Variants in CABIN1 observed in about 807,000 individuals in gnomAD.
CABIN1 encodes the protein calcineurin-binding protein cabin-1.
In CABIN1, 133 loss-of-function variants were observed where a neutral mutation model predicts 227.7. That is an observed-to-expected ratio of 0.58 (90% CI 0.51 to 0.67). The LOEUF is 0.67. Ranked by LOEUF, CABIN1 falls within the 30% of genes least tolerant of loss-of-function variation. The pLI, the probability that CABIN1 is intolerant of heterozygous loss-of-function variation, is 0.00. For synonymous variants in CABIN1, 1,086 were observed against 1,155.1 expected, an observed-to-expected ratio of 0.94 and a Z score of 1.21; for missense variants, 2,408 against 2,852.5, an observed-to-expected ratio of 0.84 and a Z score of 3.55.
chr22:24,061,101 A>T (rs1053355397), intron 12 of CABIN1, among the ~76,000 whole-genome samples: 1 of 152,134 alleles, frequency 6.6e-6, no homozygotes. Flanking sequence ...TTTTTAACAG[A>T]TGATAAAACA....
At chr22:24,039,811 T>G (rs975756569) in intron 4 of CABIN1, among the ~76,000 whole-genome samples, 1 of 152,156 alleles carries the variant, frequency 6.6e-6, no homozygotes, top group Non-Finnish European at 1.5e-5. Context: ...GTACAGAAAA[T>G]ACATAGAACA....
chr22:24,091,243 G>C (rs1047161689), intron 23 of CABIN1, among the ~76,000 whole-genome samples: 3 of 152,208 alleles, frequency 2.0e-5, no homozygotes, highest in Non-Finnish European at 2.9e-5. Flanking sequence ...TGGGTGCTGA[G>C]TGTTAGTAAA....
intron 11 of CABIN1, 103 bp from the exon 12 acceptor site, chr22:24,059,821 T>C (rs1050453653): frequency 1.0e-6 from 1 of 987,872 alleles, no homozygotes; most frequent in South Asian, 1.4e-5. Context: ...CTGGATCAGA[T>C]GGTAGAGGGA....
intron 34 of CABIN1, chr22:24,175,732 T>C (rs567599360): frequency 2.0e-5 from 7 of 346,444 alleles, no homozygotes; most frequent in South Asian, 1.9e-4. Context: ...TGACCTCGTT[T>C]CTGAATGCTG....
chr22:24,044,034 A>G lies in CABIN1; in HGVS notation c.526+950A>G, dbSNP rs551151946. ...CTCAGGAATAATTCTCTTTGACCTG[A>G]TGCTCCGCCCTTGATGCCCACTGAG... On this transcript the variant is annotated intron_variant, in intron 6 of 36. Coordinates refer to ENST00000263119, the MANE Select transcript of CABIN1 (RefSeq NM_012295.4). Among the ~76,000 whole-genome samples the G allele has an allele frequency of 3.1e-4, 47 of 152,304 alleles. 1 individual carries two copies. In the South Asian group the frequency reaches 9.5e-3, roughly 31 times the overall value.
intron 19 of CABIN1, among the ~76,000 whole-genome samples, chr22:24,080,895 T>C (rs2040762785): frequency 6.6e-6 from 1 of 152,172 alleles, no homozygotes; most frequent in Non-Finnish European, 1.5e-5. Context: ...TTCCTTCCTT[T>C]TCAATCCTTA....
chr22:24,135,832 G>C (rs2044362206), intron 29 of CABIN1, among the ~76,000 whole-genome samples: 1 of 152,176 alleles, frequency 6.6e-6, no homozygotes, highest in South Asian at 2.1e-4. Context: ...CAATTCTCAG[G>C]GTACGTGGGC....
chr22:24,091,679 A>G lies in CABIN1; in HGVS notation c.3622A>G (p.Ile1208Val), dbSNP rs757206954. Residue 1208 changes from isoleucine (I) to valine (V), a missense_variant, in exon 24 of 37, where the codon ATC becomes GTC. Physicochemically the swap from Ile to Val is conservative, Grantham distance 29. This residue lies in a region of CABIN1 where 649 missense variants were observed against 910.3 expected (regional missense o/e 0.71). Transcript: ENST00000263119. ...EGDGDEEEWL[I>V]HYMLGKVAEK... ...TGATGGTGACGAGGAGGAGTGGCTC[A>G]TCCACTACATGCTGGGCAAGGTGGC... 1 of 1,614,202 alleles carries G rather than the reference A, an allele frequency of 6.2e-7. No homozygotes were observed. The highest frequency in any genetic ancestry group is 1.3e-5 in the African/African-American group (1 of 75,052).
At chr22:24,157,680 T>C (rs1391133621) in intron 29 of CABIN1, among the ~76,000 whole-genome samples, 2 of 152,196 alleles carry the variant, frequency 1.3e-5, no homozygotes, top group African/African-American at 2.4e-5. Context: ...TTCGCCGCTT[T>C]GGTGACTTGT....
Position 24,167,075 on chromosome 22 carries a change from C to G in CABIN1, c.5444C>G (p.Pro1815Arg). 1 of 1,544,918 alleles carries G rather than the reference C, an allele frequency of 6.5e-7. No individual in the cohort carries two copies. The highest frequency in any genetic ancestry group is 8.7e-7 in the Non-Finnish European group (1 of 1,145,072). The change falls in exon 32 of 37, where the codon CCA becomes CGA. Residue 1815 changes from proline (P) to arginine (R), a missense_variant. Transcript: ENST00000263119. ...SARQQPTPLTPAQPAPAPAPA... is the reference protein window; with the variant it reads ...SARQQPTPLTRAQPAPAPAPA... Reference sequence around the variant, plus strand: ...CGGCAGCAGCCCACCCCGCTCACCCCAGCCCAGCCAGCCCCCGCCCCCGCC... The same window carrying G: ...CGGCAGCAGCCCACCCCGCTCACCCGAGCCCAGCCAGCCCCCGCCCCCGCC...
chr22:24,171,773 C>T lies in CABIN1; in HGVS notation c.5818C>T (p.Pro1940Ser). ...CAAAGACAGCCGAGAGAACTTCTTTCCTGTGACAGTGGTGCCCACAGCCCC... is the reference window on the plus strand; with the variant it reads ...CAAAGACAGCCGAGAGAACTTCTTTTCTGTGACAGTGGTGCCCACAGCCCC... ...HPKDSRENFFPVTVVPTAPDP... is the reference protein window; with the variant it reads ...HPKDSRENFFSVTVVPTAPDP... Residue 1940 changes from proline (P) to serine (S), a missense_variant, in exon 34 of 37, where the codon CCT becomes TCT. Pro to Ser is a moderately conservative substitution (Grantham distance 74). Coordinates refer to ENST00000263119, the MANE Select transcript of CABIN1 (RefSeq NM_012295.4). The T allele has an allele frequency of 6.2e-7, 1 of 1,614,182 alleles. No homozygotes were observed. Among genetic ancestry groups the T allele is most frequent in the Non-Finnish European group, 8.5e-7 (1 of 1,180,030 alleles).
At chr22:24,089,326 T>TA (rs1260978266) in intron 23 of CABIN1, among the ~76,000 whole-genome samples, 1 of 152,252 alleles carries the variant, frequency 6.6e-6, no homozygotes. Context: ...AGTTTCCACA[T>TA]ACTTTTTCCC....
At chr22:24,155,600 A>G (rs2045736100) in intron 29 of CABIN1, among the ~76,000 whole-genome samples, 1 of 152,132 alleles carries the variant, frequency 6.6e-6, no homozygotes, top group African/African-American at 2.4e-5. Context: ...CCCAACTGTA[A>G]CAGCAAGGAC....
chr22:24,138,124 C>T (rs894793373), intron 29 of CABIN1, among the ~76,000 whole-genome samples: 6 of 152,162 alleles, frequency 3.9e-5, no homozygotes, highest in Non-Finnish European at 8.8e-5. Flanking sequence ...GTGGGGGGCA[C>T]GTGCCTTCTG....
rs2044261070 is a variant in CABIN1 at position 24,134,329 on chromosome 22, C to T, written c.4660C>T (p.Leu1554=). The change falls in exon 29 of 37, where the codon CTA becomes TTA. Residue 1554 remains leucine, a synonymous_variant. Coordinates refer to ENST00000263119, the MANE Select transcript of CABIN1 (RefSeq NM_012295.4). The part of the protein sequence containing the change: ...RNLQWARDVL[L]GSSIPWQQLQ... ...CCTCCAGTGGGCCCGCGACGTGTTG[C>T]TAGGCAGCAGTATCCCGTGGCAACA... 1.2e-6 allele frequency: 2 copies of T among 1,614,108 alleles called. No individual in the cohort carries two copies. Among genetic ancestry groups the T allele is most frequent in the African/African-American group, 1.3e-5 (1 of 75,064 alleles).
Position 24,070,848 on chromosome 22 carries a change from G to T in CABIN1, c.2281G>T (p.Asp761Tyr), listed in dbSNP as rs1367466542. The T allele has an allele frequency of 6.2e-7, 1 of 1,614,122 alleles. No individual in the cohort carries two copies. Among genetic ancestry groups the T allele is most frequent in the Non-Finnish European group, 8.5e-7 (1 of 1,180,052 alleles). ...CTATCGGCAGTGTTTTGAGTGTTCC[G>T]ATGTGGCTCTGAACGAGGCTGTCCA... ...KDYRQCFECS[D>Y]VALNEAVQQM... is the part of the protein sequence containing the mutation. Residue 761 changes from aspartate (D) to tyrosine (Y), a missense_variant, in exon 17 of 37, where the codon GAT (aspartate) becomes TAT (tyrosine). Asp to Tyr is a radical substitution (Grantham distance 160). This residue lies in a region of CABIN1 where 1,045 missense variants were observed against 1,168.4 expected (regional missense o/e 0.89). Coordinates refer to ENST00000263119, the MANE Select transcript of CABIN1 (RefSeq NM_012295.4).
chr22:24,038,184 C>T (rs1156778216), intron 3 of CABIN1, among the ~76,000 whole-genome samples, 164 bp from the exon 4 acceptor site: 1 of 152,196 alleles, frequency 6.6e-6, no homozygotes. Context: ...CAATCTCCAG[C>T]CTCTCTTCCC....
chr22:24,129,139 AGTT>A (rs1270101192), intron 28 of CABIN1, among the ~76,000 whole-genome samples: 1 of 152,152 alleles, frequency 6.6e-6, no homozygotes, highest in African/African-American at 2.4e-5. Flanking sequence ...AGAGGGTAGT[AGTT>A]GTTTTCCCAT....
chr22:24,065,200 C>T (rs1295387886), intron 15 of CABIN1, among the ~76,000 whole-genome samples: 1 of 151,944 alleles, frequency 6.6e-6, no homozygotes, highest in Non-Finnish European at 1.5e-5. Flanking sequence ...ACGCTCCTCA[C>T]TTCCCAGACG....
Sources: gnomAD v4.1 joint callset for allele counts (sites outside exome capture counted in the v4.1 genomes callset) on GRCh38, gnomAD v4.1.1 for gene constraint, gnomAD v4.1.1 regional missense constraint, MANE v1.5 for transcripts, NCBI Gene and HGNC (gene_info 2026-07-23, HGNC 2026-07-21) for gene names.